The following IQCK variants were observed in gnomAD, a reference collection of about 807,000 sequenced individuals.
IQCK encodes IQ motif containing K, also known as IQ domain-containing protein K.
Under a neutral mutation model 28.1 loss-of-function variants are expected in IQCK, and 29 were observed. The ratio of observed to expected loss-of-function variants is 1.03; its 90% CI spans 0.77 to 1.41. The LOEUF is 1.41. IQCK is among the 40% of genes most tolerant of loss of function. IQCK has a pLI of 0.00. For synonymous variants in IQCK, 113 were observed against 115.1 expected, an observed-to-expected ratio of 0.98 and a Z score of 0.12; for missense variants, 359 against 314.7, an observed-to-expected ratio of 1.14 and a Z score of -1.07.
At chr16:19,821,160 A>G (rs545943921) in intron 7 of IQCK, among the ~76,000 whole-genome samples, 28 of 151,564 alleles carry the variant, frequency 1.8e-4, no homozygotes, top group Non-Finnish European at 2.7e-4. Context: ...CTGGGCAAAA[A>G]AGCGAGACCC....
At chr16:19,824,796 G>C (rs1191121520) in intron 7 of IQCK, among the ~76,000 whole-genome samples, 1 of 152,200 alleles carries the variant, frequency 6.6e-6, no homozygotes, top group Non-Finnish European at 1.5e-5. Context: ...GCCTTTCTGA[G>C]CCGTTTGTTA....
intron 9 of IQCK, 114 bp from the exon 9 acceptor site, chr16:19,856,373 C>T (rs2056562275): frequency 5.3e-6 from 4 of 758,886 alleles, no homozygotes; most frequent in Non-Finnish European, 9.1e-6. Flanking sequence ...AGCAGGCGCA[C>T]AGTGGGTTTT....
chr16:19,819,010 A>T (rs2056027834), intron 7 of IQCK, among the ~76,000 whole-genome samples: 1 of 152,176 alleles, frequency 6.6e-6, no homozygotes. Context: ...GATCACCGCA[A>T]TCCCAATATT....
chr16:19,739,282 C>G (rs918962906), intron 4 of IQCK, among the ~76,000 whole-genome samples: 5 of 152,210 alleles, frequency 3.3e-5, no homozygotes. Flanking sequence ...CCTCAGTCCC[C>G]ACTCTTTCTC....
intron 1 of IQCK, among the ~76,000 whole-genome samples, chr16:19,724,275 C>A (rs1036426249): frequency 6.6e-6 from 1 of 152,124 alleles, no homozygotes; most frequent in Non-Finnish European, 1.5e-5. Flanking sequence ...TCTTTCCTCT[C>A]CTCTAGGCTG....
At chr16:19,726,481 A>G (rs1224709928) in intron 1 of IQCK, among the ~76,000 whole-genome samples, 2 of 152,146 alleles carry the variant, frequency 1.3e-5, no homozygotes, top group African/African-American at 4.8e-5. Context: ...ATCCTACCAA[A>G]ATACCTCTCT....
intron 4 of IQCK, among the ~76,000 whole-genome samples, chr16:19,742,973 A>C (rs1314165202): frequency 6.6e-6 from 1 of 152,138 alleles, no homozygotes; most frequent in African/African-American, 2.4e-5. Context: ...GTTCAAGGCC[A>C]CCCTGGCCAA....
chr16:19,858,467 A>G (rs966845880), exon 10 of IQCK: 3 of 679,786 alleles, frequency 4.4e-6, no homozygotes, highest in Non-Finnish European at 8.0e-6. Flanking sequence ...TAGAAAACGA[A>G]CGTGTGAATT....
At chr16:19,733,449 A>T (rs988601716) in intron 2 of IQCK, among the ~76,000 whole-genome samples, 5 of 151,980 alleles carry the variant, frequency 3.3e-5, no homozygotes, top group African/African-American at 1.2e-4. Flanking sequence ...GTGAGGCTTC[A>T]TCCCTGGTGT....
chr16:19,751,406 A>C (rs530770454), intron 4 of IQCK, among the ~76,000 whole-genome samples: 1 of 152,212 alleles, frequency 6.6e-6, no homozygotes, highest in Non-Finnish European at 1.5e-5. Context: ...TGAGCCCAAG[A>C]GTTTGAGGCT....
chr16:19,836,070 C>G (rs2056292708), intron 9 of IQCK, among the ~76,000 whole-genome samples: 1 of 152,204 alleles, frequency 6.6e-6, no homozygotes, highest in African/African-American at 2.4e-5. Flanking sequence ...GCTACATTTT[C>G]TCTACTTGTA....
exon 10 of IQCK, chr16:19,858,465 G>C (rs750076408): frequency 1.5e-6 from 1 of 677,338 alleles, no homozygotes; most frequent in South Asian, 1.6e-5. Context: ...CTTAGAAAAC[G>C]AACGTGTGAA....
chr16:19,731,585 T>G (rs1025419796), intron 2 of IQCK, among the ~76,000 whole-genome samples: 8 of 152,238 alleles, frequency 5.3e-5, no homozygotes, highest in Admixed American at 1.3e-4. Flanking sequence ...TCTGACAATA[T>G]ATGTTGATCT....
At chr16:19,833,613 T>G (rs1487217737) in intron 9 of IQCK, among the ~76,000 whole-genome samples, 1 of 152,178 alleles carries the variant, frequency 6.6e-6, no homozygotes, top group Non-Finnish European at 1.5e-5. Context: ...AGTAAGTTTC[T>G]TAGAGCAGTG....
At chr16:19,748,206 C>T (rs190912927) in intron 4 of IQCK, among the ~76,000 whole-genome samples, 8 of 151,514 alleles carry the variant, frequency 5.3e-5, no homozygotes, top group African/African-American at 1.9e-4. Context: ...TCCCGAATAG[C>T]TGGGATTACA....
intron 9 of IQCK, among the ~76,000 whole-genome samples, chr16:19,849,252 T>C (rs965714381): frequency 7.5e-5 from 11 of 145,942 alleles, no homozygotes; most frequent in African/African-American, 2.8e-4. Context: ...TCATTACATC[T>C]ATGTTCAGGT....
At chr16:19,748,796 T>C (rs1346536931) in intron 4 of IQCK, among the ~76,000 whole-genome samples, 1 of 152,026 alleles carries the variant, frequency 6.6e-6, no homozygotes, top group Non-Finnish European at 1.5e-5. Context: ...AATCAAAACA[T>C]AACTCTTAGA....
chr16:19,806,479 A>ACC (rs2055835299), intron 7 of IQCK, among the ~76,000 whole-genome samples: 1 of 151,868 alleles, frequency 6.6e-6, no homozygotes, highest in Non-Finnish European at 1.5e-5. Flanking sequence ...TGAGTACAGG[A>ACC]GTTTGAGACT....
chr16:19,853,880 G>A (rs1311344988), intron 9 of IQCK, among the ~76,000 whole-genome samples: 3 of 152,190 alleles, frequency 2.0e-5, no homozygotes, highest in African/African-American at 7.2e-5. Flanking sequence ...CACGTGCCTC[G>A]GCCTCCCAGA....
Sources: allele counts gnomAD v4.1 joint callset (sites outside exome capture counted in the v4.1 genomes callset), GRCh38; gene constraint gnomAD v4.1.1; transcripts MANE v1.5; gene names NCBI Gene and HGNC (gene_info 2026-07-23, HGNC 2026-07-21).